SORCS3: variants seen among roughly 807,000 people sequenced by gnomAD.
The protein encoded by SORCS3 is VPS10 domain-containing receptor SorCS3.
In SORCS3, 57 loss-of-function variants were observed where a neutral mutation model predicts 146.3. The observed-to-expected ratio is 0.39, with a 90% CI of 0.31 to 0.49. The LOEUF is 0.49. Ranked by LOEUF, SORCS3 falls within the 20% of genes least tolerant of loss-of-function variation. The pLI is 0.92. For synonymous variants in SORCS3, 653 were observed against 618.5 expected, an observed-to-expected ratio of 1.06 and a Z score of -0.83; for missense variants, 1,341 against 1,575.5, an observed-to-expected ratio of 0.85 and a Z score of 2.52.
At chr10:104,725,499 A>G (rs563236367) in intron 1 of SORCS3, among the ~76,000 whole-genome samples, 3 of 152,258 alleles carry the variant, frequency 2.0e-5, no homozygotes, top group Admixed American at 6.5e-5. Context: ...ACTCTCTTCA[A>G]AGCTGTCAGA....
intron 3 of SORCS3, among the ~76,000 whole-genome samples, chr10:104,976,743 G>A (rs2054899877): frequency 6.6e-6 from 1 of 152,174 alleles, no homozygotes; most frequent in African/African-American, 2.4e-5. Context: ...AAAATGATGA[G>A]TTCATGTCCT....
intron 1 of SORCS3, among the ~76,000 whole-genome samples, chr10:104,812,150 A>G (rs578097215): frequency 1.8e-4 from 27 of 152,332 alleles, no homozygotes; most frequent in African/African-American, 5.5e-4. Context: ...TCTCCTGTTC[A>G]GTGGTAGCGC....
At chr10:104,776,272 T>C (rs2017306809) in intron 1 of SORCS3, among the ~76,000 whole-genome samples, 1 of 152,128 alleles carries the variant, frequency 6.6e-6, no homozygotes, top group African/African-American at 2.4e-5. Context: ...AGCTCTGAGC[T>C]ATTTACTAAC....
In SORCS3 at chr10:104,651,393, G is replaced by C. The variant is rs998763667; in HGVS notation, c.627+9439G>C. Among the ~76,000 whole-genome samples, 5 of 152,134 alleles carry C rather than the reference G, an allele frequency of 3.3e-5. No homozygotes were observed. In the South Asian group the frequency reaches 1.0e-3, roughly 32 times the overall value. Reference sequence around the variant, plus strand: ...ATCTTAGAGATGATGCCTATAAAGGGCCTAGCATAATAGGCTATTTTAACA... The same window carrying C: ...ATCTTAGAGATGATGCCTATAAAGGCCCTAGCATAATAGGCTATTTTAACA... On this transcript the variant is annotated intron_variant, in intron 1 of 26. Coordinates refer to ENST00000369701, the MANE Select transcript of SORCS3 (RefSeq NM_014978.3).
rs539274664 is a variant in SORCS3, at chr10:104,799,536, G to A, written c.628-43256G>A. Among the ~76,000 whole-genome samples the A allele has an allele frequency of 2.3e-3, 342 of 151,966 alleles. 2 individuals are homozygous for A. The highest frequency in any genetic ancestry group is 6.8e-3 in the African/African-American group (282 of 41,420). On this transcript the variant is annotated intron_variant, in intron 1 of 26. Transcript: ENST00000369701. ...AGGGAGGGGAACATCACACACCAGG[G>A]CCTGTTGGGGGTTGGGGGGCTAGGG...
At chr10:105,257,409 T>C (rs934546669) in intron 25 of SORCS3, among the ~76,000 whole-genome samples, 9 of 152,184 alleles carry the variant, frequency 5.9e-5, no homozygotes, top group Admixed American at 3.3e-4. Context: ...GATATTCAAC[T>C]ACCATCCCTC....
intron 2 of SORCS3, among the ~76,000 whole-genome samples, chr10:104,860,318 A>G (rs2018385684): frequency 8.0e-6 from 1 of 124,960 alleles, no homozygotes; most frequent in African/African-American, 2.6e-5. Context: ...CTATCGCAAG[A>G]ACAAAAAACC....
intron 4 of SORCS3, among the ~76,000 whole-genome samples, chr10:104,993,566 A>G (rs976897160): frequency 6.6e-6 from 1 of 152,214 alleles, no homozygotes; most frequent in African/African-American, 2.4e-5. Flanking sequence ...AATATTGGGC[A>G]TGAATGTTTT....
chr10:104,903,759 G>A (rs558613253), intron 2 of SORCS3, among the ~76,000 whole-genome samples: 9 of 152,196 alleles, frequency 5.9e-5, no homozygotes, highest in Non-Finnish European at 1.2e-4. Flanking sequence ...ATTTTCTTAT[G>A]AGTGTACAGT....
At chr10:105,074,989 A>T (rs922765644) in intron 5 of SORCS3, among the ~76,000 whole-genome samples, 2 of 152,218 alleles carry the variant, frequency 1.3e-5, no homozygotes, top group Admixed American at 1.3e-4. Flanking sequence ...CCTTCTGCAC[A>T]TTATTAGCCT....
intron 20 of SORCS3, among the ~76,000 whole-genome samples, chr10:105,232,997 T>C (rs555553428): frequency 1.6e-4 from 24 of 152,286 alleles, no homozygotes; most frequent in African/African-American, 5.8e-4. Context: ...TGTATTCTGC[T>C]GTTGTCTGAT....
chr10:104,922,608 T>C (rs1359841466), intron 3 of SORCS3, among the ~76,000 whole-genome samples: 4 of 152,234 alleles, frequency 2.6e-5, no homozygotes, highest in African/African-American at 9.6e-5. Flanking sequence ...ATTGTTAACA[T>C]CCTTGCTATT....
intron 5 of SORCS3, 57 bp downstream of exon 5, chr10:105,043,185 G>T (rs1346567964): frequency 6.8e-7 from 1 of 1,474,510 alleles, no homozygotes; most frequent in Non-Finnish European, 9.5e-7. Context: ...AAACAGCGTA[G>T]CACTCTAGAC....
At chr10:104,830,650 T>C (rs1011323894) in intron 1 of SORCS3, among the ~76,000 whole-genome samples, 13 of 152,110 alleles carry the variant, frequency 8.5e-5, no homozygotes, top group Admixed American at 6.5e-5. Context: ...CACAGGAGAG[T>C]TTTAGAAATG....
chr10:104,643,508 A>AC (rs969127549), intron 1 of SORCS3, among the ~76,000 whole-genome samples: 1 of 151,842 alleles, frequency 6.6e-6, no homozygotes, highest in Non-Finnish European at 1.5e-5. Flanking sequence ...TGGGATGAAG[A>AC]CCCCCGTAGC....
At chr10:104,701,850 C>T (rs1311637296) in intron 1 of SORCS3, among the ~76,000 whole-genome samples, 1 of 152,092 alleles carries the variant, frequency 6.6e-6, no homozygotes, top group Non-Finnish European at 1.5e-5. Context: ...TCCTTTCCAG[C>T]ACTCTGAACA....
chr10:105,225,200 G>A (rs1048745341), intron 20 of SORCS3, among the ~76,000 whole-genome samples: 1 of 151,876 alleles, frequency 6.6e-6, no homozygotes, highest in Non-Finnish European at 1.5e-5. Context: ...TCTTCTAGGA[G>A]TTTTATAGTT....
chr10:105,174,884 G>T (rs575687496), intron 13 of SORCS3, among the ~76,000 whole-genome samples: 1 of 152,208 alleles, frequency 6.6e-6, no homozygotes, highest in South Asian at 2.1e-4. Context: ...GGAAGGCTGC[G>T]ATGGTCTCTC....
intron 5 of SORCS3, among the ~76,000 whole-genome samples, chr10:105,051,540 G>C (rs2055412894): frequency 1.3e-5 from 2 of 152,026 alleles, no homozygotes; most frequent in African/African-American, 2.4e-5. Context: ...GTCATTTTTA[G>C]GCTATTCATA....
Sources: gnomAD v4.1 joint callset for allele counts (sites outside exome capture counted in the v4.1 genomes callset) on GRCh38, gnomAD v4.1.1 for gene constraint, MANE v1.5 for transcripts, NCBI Gene and HGNC (gene_info 2026-07-23, HGNC 2026-07-21) for gene names.